The following AP3B1 variants were observed in gnomAD, a reference collection of about 807,000 sequenced individuals.
AP3B1 encodes AP-3 complex subunit beta-1.
In AP3B1, 61 loss-of-function variants were observed where a neutral mutation model predicts 132.5. The ratio of observed to expected loss-of-function variants is 0.46; its 90% CI spans 0.37 to 0.57. The LOEUF is 0.57. AP3B1 is among the 20% of genes least tolerant of loss of function. The pLI, the probability that AP3B1 is intolerant of heterozygous loss-of-function variation, is 0.00. For missense variants in AP3B1, 1,120 were observed against 1,289.4 expected (o/e 0.87, Z 2.01); for synonymous variants, 388 against 438.3 (o/e 0.89, Z 1.43).
intron 1 of AP3B1, among the ~76,000 whole-genome samples, chr5:78,268,450 C>CACACAT (rs1405093419): frequency 1.3e-5 from 2 of 152,190 alleles, no homozygotes; most frequent in Admixed American, 1.3e-4. Context: ...GAAATGTGGT[C>CACACAT]ACACATACAC....
At chr5:78,076,771 T>C (rs1023574390) in intron 22 of AP3B1, among the ~76,000 whole-genome samples, 1 of 152,198 alleles carries the variant, frequency 6.6e-6, no homozygotes, top group African/African-American at 2.4e-5. Context: ...ACTCTGGATG[T>C]CAAGGTTCAG....
chr5:78,078,697 C>T (rs1391305989), intron 22 of AP3B1, among the ~76,000 whole-genome samples: 1 of 152,200 alleles, frequency 6.6e-6, no homozygotes, highest in Non-Finnish European at 1.5e-5. Flanking sequence ...CTTGTCTGTA[C>T]TCCTATAATG....
intron 22 of AP3B1, among the ~76,000 whole-genome samples, chr5:78,085,232 C>G (rs926489655): frequency 6.6e-6 from 1 of 152,200 alleles, no homozygotes; most frequent in Non-Finnish European, 1.5e-5. Flanking sequence ...TCAGCAACAA[C>G]AGATGTTGGT....
At chr5:78,085,027 A>AC (rs1750178749) in intron 22 of AP3B1, among the ~76,000 whole-genome samples, 2 of 150,560 alleles carry the variant, frequency 1.3e-5, no homozygotes, top group Admixed American at 1.3e-4. Flanking sequence ...TTTAGGTTTG[A>AC]ACAACCATGC....
At chr5:78,250,524 G>A (rs1431892841) in intron 2 of AP3B1, among the ~76,000 whole-genome samples, 4 of 152,046 alleles carry the variant, frequency 2.6e-5, no homozygotes, top group African/African-American at 9.7e-5. Context: ...TGAATTTAGA[G>A]CCTACAACAG....
chr5:78,281,161 G>A (rs1035748954), intron 1 of AP3B1, among the ~76,000 whole-genome samples: 5 of 152,114 alleles, frequency 3.3e-5, no homozygotes, highest in African/African-American at 1.2e-4. Flanking sequence ...TCGGCCGGGC[G>A]CAGTGGCTCG....
At chr5:78,138,380 T>C (rs914773952) in intron 15 of AP3B1, among the ~76,000 whole-genome samples, 1 of 152,060 alleles carries the variant, frequency 6.6e-6, no homozygotes, top group Non-Finnish European at 1.5e-5. Context: ...GGCAGGAGAA[T>C]TGCTTGAACA....
chr5:78,032,394 CT>C (rs893554203), intron 24 of AP3B1, among the ~76,000 whole-genome samples: 1 of 151,966 alleles, frequency 6.6e-6, no homozygotes, highest in Admixed American at 6.6e-5. Flanking sequence ...ATTCTTGTTT[CT>C]TTTTTTCTTT....
At chr5:78,271,651 T>C (rs1010603526) in intron 1 of AP3B1, among the ~76,000 whole-genome samples, 1 of 152,306 alleles carries the variant, frequency 6.6e-6, no homozygotes, top group South Asian at 2.1e-4. Context: ...TAGTTTCAGA[T>C]TATTCCTCTG....
At chr5:78,054,595 G>A (rs1232260054) in intron 22 of AP3B1, among the ~76,000 whole-genome samples, 1 of 152,174 alleles carries the variant, frequency 6.6e-6, no homozygotes, top group Non-Finnish European at 1.5e-5. Flanking sequence ...GAGATTCCCA[G>A]AGAAAAGCTA....
intron 22 of AP3B1, among the ~76,000 whole-genome samples, chr5:78,046,868 A>G (rs1030765619): frequency 2.6e-5 from 4 of 151,144 alleles, no homozygotes; most frequent in African/African-American, 9.8e-5. Context: ...CCCAACCCCC[A>G]ACAGGCCCTG....
intron 22 of AP3B1, among the ~76,000 whole-genome samples, chr5:78,040,221 G>C (rs1038318556): frequency 6.6e-6 from 1 of 151,842 alleles, no homozygotes; most frequent in African/African-American, 2.4e-5. Flanking sequence ...AATTCATATG[G>C]AATTGATTTT....
At chr5:78,077,485 G>A (rs553043637) in intron 22 of AP3B1, among the ~76,000 whole-genome samples, 8 of 152,154 alleles carry the variant, frequency 5.3e-5, no homozygotes, top group East Asian at 1.9e-4. Context: ...TACATGTACC[G>A]GCACACAAAA....
intron 26 of AP3B1, among the ~76,000 whole-genome samples, chr5:78,012,513 C>T (rs1178356816): frequency 2.0e-5 from 3 of 152,108 alleles, no homozygotes; most frequent in African/African-American, 7.2e-5. Context: ...AAATTTAGAA[C>T]ATTATTACAG....
At chr5:78,270,591 T>C (rs1394771876) in intron 1 of AP3B1, among the ~76,000 whole-genome samples, 2 of 152,208 alleles carry the variant, frequency 1.3e-5, no homozygotes, top group Non-Finnish European at 2.9e-5. Flanking sequence ...CAATAAAAGA[T>C]GCTACTATCC....
intron 14 of AP3B1, among the ~76,000 whole-genome samples, chr5:78,142,270 C>T (rs761998904): frequency 9.2e-5 from 14 of 152,276 alleles, no homozygotes; most frequent in East Asian, 1.9e-4. Flanking sequence ...TTAGAGTATG[C>T]AAATTAGTTT....
chr5:78,091,315 A>G (rs1750504233), intron 21 of AP3B1, among the ~76,000 whole-genome samples: 1 of 151,712 alleles, frequency 6.6e-6, no homozygotes, highest in Admixed American at 6.6e-5. Flanking sequence ...CAGTCCATAA[A>G]TGATACGGCC....
intron 2 of AP3B1, among the ~76,000 whole-genome samples, chr5:78,257,549 T>C (rs1747897933): frequency 6.6e-6 from 1 of 152,204 alleles, no homozygotes; most frequent in Non-Finnish European, 1.5e-5. Flanking sequence ...AAATATTCTG[T>C]GTTCATGGCC....
intron 1 of AP3B1, among the ~76,000 whole-genome samples, chr5:78,268,404 GA>G (rs1207796846): frequency 6.6e-6 from 1 of 150,620 alleles, no homozygotes; most frequent in Admixed American, 6.6e-5. Flanking sequence ...AGTTAGGTAA[GA>G]AAAAAAAAGA....
Sources: gnomAD v4.1 joint callset for allele counts (sites outside exome capture counted in the v4.1 genomes callset) on GRCh38, gnomAD v4.1.1 for gene constraint, MANE v1.5 for transcripts, NCBI Gene and HGNC (gene_info 2026-07-23, HGNC 2026-07-21) for gene names.